The following SSBP3 variants were observed in gnomAD, a reference collection of about 807,000 sequenced individuals.
The protein encoded by SSBP3 is single stranded DNA binding protein 3.
Under a neutral mutation model 69.6 loss-of-function variants are expected in SSBP3, and 5 were observed. That is an observed-to-expected ratio of 0.07 (90% CI 0.04 to 0.15). The LOEUF is 0.15. SSBP3 is among the 10% of genes least tolerant of loss of function. The pLI is 1.00. For missense variants in SSBP3, 312 were observed against 534.0 expected, an observed-to-expected ratio of 0.58 and a Z score of 4.10; for synonymous variants, 196 against 193.4, an observed-to-expected ratio of 1.01 and a Z score of -0.11.
exon 18 of SSBP3, chr1:54,225,506 CTTT>C (rs919062267): frequency 1.9e-6 from 2 of 1,067,778 alleles, no homozygotes; most frequent in Non-Finnish European, 2.4e-6. Context: ...ATCATAATTA[CTTT>C]TTTTTCCTCT....
chr1:54,337,485 C>CTTTTTGCTTTTTTTTTTT (rs1646529318), intron 4 of SSBP3, among the ~76,000 whole-genome samples: 1 of 51,134 alleles, frequency 2.0e-5, no homozygotes, highest in African/African-American at 9.8e-5. Context: ...TTTCCTCAAG[C>CTTTTTGCTTTTTTTTTTT]TTTTTTTTTT....
In SSBP3 at chr1:54,239,040, T is replaced by C. The variant is rs756418311; in HGVS notation, c.927+89A>G. 4.5e-6 allele frequency: 5 copies of C among 1,123,256 alleles called. No individual in the cohort carries two copies. In the Admixed American group the frequency reaches 9.2e-5, roughly 21 times the overall value. The allele number at this position is 1,123,256 out of a possible 1,614,324, so 69.6% of individuals were successfully genotyped here. On this transcript the variant is annotated intron_variant, in intron 14 of 17. Coordinates refer to ENST00000610401, the Ensembl canonical transcript of SSBP3. The stretch of plus-strand genomic sequence containing the variant: ...CATCTTTGGTAACAAATGGCTGAAA[T>C]CAATTAAACTTGCTTTCCCCTCAGC...
At chr1:54,239,745 AAG>A (rs935622759) in intron 13 of SSBP3, among the ~76,000 whole-genome samples, 1 of 152,208 alleles carries the variant, frequency 6.6e-6, no homozygotes, top group Non-Finnish European at 1.5e-5. Flanking sequence ...CAGCAGCAGA[AAG>A]AGAGAGCCGG....
At chr1:54,266,795 G>A (rs1368042061) in intron 5 of SSBP3, among the ~76,000 whole-genome samples, 2 of 152,176 alleles carry the variant, frequency 1.3e-5, no homozygotes, top group Non-Finnish European at 2.9e-5. Flanking sequence ...CAGCACACCT[G>A]AATTTGGCTG....
intron 4 of SSBP3, among the ~76,000 whole-genome samples, chr1:54,314,403 G>C (rs1282677860): frequency 1.3e-5 from 2 of 152,238 alleles, no homozygotes; most frequent in Non-Finnish European, 2.9e-5. Context: ...TCCAGAAGAA[G>C]GGCACAGCAA....
intron 4 of SSBP3, among the ~76,000 whole-genome samples, chr1:54,394,225 C>A (rs1420640104): frequency 6.6e-6 from 1 of 152,350 alleles, no homozygotes; most frequent in East Asian, 1.9e-4. Context: ...CTGGAAACTT[C>A]ACGCAGGGCA....
At chr1:54,410,670 A>G (rs1442852926), upstream of SSBP3, among the ~76,000 whole-genome samples, 1 of 152,192 alleles carries the variant, frequency 6.6e-6, no homozygotes, top group Non-Finnish European at 1.5e-5. Context: ...CCAACACGCA[A>G]AGACCTGGCT....
intron 4 of SSBP3, among the ~76,000 whole-genome samples, chr1:54,287,839 C>A (rs1416558): frequency 0.14 from 20,975 of 152,132 alleles, 1,615 homozygotes; most frequent in African/African-American, 0.17. Context: ...GACCACAGAA[C>A]AGAATCAGTT....
At chr1:54,370,126 T>C (rs1316093801) in intron 4 of SSBP3, among the ~76,000 whole-genome samples, 1 of 152,106 alleles carries the variant, frequency 6.6e-6, no homozygotes, top group East Asian at 1.9e-4. Flanking sequence ...AAGCAAACCT[T>C]CTTCAGTCAA....
chr1:54,379,627 A>G (rs1169063850), intron 4 of SSBP3, among the ~76,000 whole-genome samples: 1 of 152,244 alleles, frequency 6.6e-6, no homozygotes, highest in Admixed American at 6.5e-5. Flanking sequence ...AAGAGGCGGT[A>G]CAATGGTGCG....
chr1:54,378,075 C>T (rs1016288256), intron 4 of SSBP3, among the ~76,000 whole-genome samples: 2 of 152,178 alleles, frequency 1.3e-5, no homozygotes, highest in African/African-American at 4.8e-5. Flanking sequence ...CTGCACTCTC[C>T]TGACGTGCAG....
At chr1:54,335,415 A>AC (rs1370242059) in intron 4 of SSBP3, among the ~76,000 whole-genome samples, 7 of 152,306 alleles carry the variant, frequency 4.6e-5, no homozygotes, top group Non-Finnish European at 8.8e-5. Context: ...GAAAAAGGAG[A>AC]CAAGAGACAA....
intron 4 of SSBP3, among the ~76,000 whole-genome samples, chr1:54,316,483 CA>C (rs1305833931): frequency 7.1e-6 from 1 of 141,264 alleles, no homozygotes; most frequent in Admixed American, 7.1e-5. Flanking sequence ...ACTAAAAATA[CA>C]AAAAAAATTA....
At chr1:54,333,899 T>C (rs1205234014) in intron 4 of SSBP3, among the ~76,000 whole-genome samples, 2 of 150,856 alleles carry the variant, frequency 1.3e-5, no homozygotes, top group Non-Finnish European at 3.0e-5. Flanking sequence ...ATCCTATCTA[T>C]ATAAAGTATT....
At chr1:54,248,261 C>G (rs1439434286) in intron 9 of SSBP3, among the ~76,000 whole-genome samples, 1 of 152,246 alleles carries the variant, frequency 6.6e-6, no homozygotes, top group Non-Finnish European at 1.5e-5. Context: ...GCTGAAGGGG[C>G]TGGCCGCCCT....
chr1:54,254,772 G>A (rs1269300310), intron 7 of SSBP3, among the ~76,000 whole-genome samples: 1 of 152,182 alleles, frequency 6.6e-6, no homozygotes, highest in Non-Finnish European at 1.5e-5. Context: ...CTCTTTGGAG[G>A]ATAGAAATTT....
At chr1:54,283,851 G>A (rs547184803) in intron 4 of SSBP3, among the ~76,000 whole-genome samples, 5 of 152,302 alleles carry the variant, frequency 3.3e-5, no homozygotes, top group African/African-American at 4.8e-5. Context: ...ATGGGGCCTC[G>A]TGAGGGAATC....
intron 14 of SSBP3, among the ~76,000 whole-genome samples, chr1:54,229,229 C>T (rs975991965): frequency 4.6e-5 from 7 of 152,172 alleles, no homozygotes; most frequent in Non-Finnish European, 7.4e-5. Flanking sequence ...ATCTGTGCTT[C>T]TCATCCCCAC....
At chr1:54,227,039 G>A in exon 18 of SSBP3, 1 of 1,079,190 alleles carries the variant, frequency 9.3e-7, no homozygotes, top group Non-Finnish European at 1.4e-6. Context: ...CTCCCCACCA[G>A]CTCCTGGATA....
Sources: allele counts gnomAD v4.1 joint callset (sites outside exome capture counted in the v4.1 genomes callset), GRCh38; gene constraint gnomAD v4.1.1; transcripts MANE v1.5; gene names NCBI Gene and HGNC (gene_info 2026-07-23, HGNC 2026-07-21).